ADAMTSL1: variants seen among roughly 807,000 people sequenced by gnomAD.
The protein encoded by ADAMTSL1 is ADAMTS like 1, also known as ADAMTS-like protein 1.
In ADAMTSL1, 126 loss-of-function variants were observed where a neutral mutation model predicts 201.8. The observed-to-expected ratio is 0.62, with a 90% CI of 0.54 to 0.72. The LOEUF is 0.72. Ranked by LOEUF, ADAMTSL1 falls within the 30% of genes least tolerant of loss-of-function variation. The pLI, the probability that ADAMTSL1 is intolerant of heterozygous loss-of-function variation, is 0.00. For missense variants in ADAMTSL1, 2,679 were observed against 2,277.8 expected (o/e 1.18, Z -3.59); for synonymous variants, 1,121 against 903.4 (o/e 1.24, Z -4.32).
At chr9:18,413,929 A>T (rs1006594270) in intron 2 of ADAMTSL1, among the ~76,000 whole-genome samples, 1 of 152,244 alleles carries the variant, frequency 6.6e-6, no homozygotes, top group Non-Finnish European at 1.5e-5. Flanking sequence ...AGAAGAAAAA[A>T]TGCACAATTC....
At chr9:18,701,852 G>A (rs921068993) in intron 13 of ADAMTSL1, among the ~76,000 whole-genome samples, 2 of 152,176 alleles carry the variant, frequency 1.3e-5, no homozygotes, top group African/African-American at 4.8e-5. Flanking sequence ...GAGAAAGGAA[G>A]AGAGAGGAAA....
At chr9:18,779,745 C>T (rs1038716140) in intron 19 of ADAMTSL1, among the ~76,000 whole-genome samples, 3 of 152,154 alleles carry the variant, frequency 2.0e-5, no homozygotes, top group Non-Finnish European at 2.9e-5. Flanking sequence ...AGTGGCAGCT[C>T]CAGTGTGTGG....
At chr9:18,543,803 G>C (rs567853979) in intron 3 of ADAMTSL1, among the ~76,000 whole-genome samples, 8 of 152,082 alleles carry the variant, frequency 5.3e-5, no homozygotes, top group Non-Finnish European at 1.2e-4. Flanking sequence ...AAGTTCACTG[G>C]GTGCCCCCCA....
At chr9:18,225,725 C>A (rs1254653636) in intron 2 of ADAMTSL1, among the ~76,000 whole-genome samples, 2 of 151,944 alleles carry the variant, frequency 1.3e-5, no homozygotes, top group Non-Finnish European at 2.9e-5. Flanking sequence ...GAGGATAATT[C>A]ATGCAGAGAA....
intron 2 of ADAMTSL1, among the ~76,000 whole-genome samples, chr9:18,340,285 T>G (rs1376601924): frequency 6.6e-6 from 1 of 152,206 alleles, no homozygotes; most frequent in Non-Finnish European, 1.5e-5. Context: ...TCTCACTGTA[T>G]AGTTTTTCTC....
intron 2 of ADAMTSL1, among the ~76,000 whole-genome samples, chr9:18,272,049 T>G (rs1294830044): frequency 6.6e-6 from 1 of 151,598 alleles, no homozygotes; most frequent in Non-Finnish European, 1.5e-5. Flanking sequence ...TAAATTTGTT[T>G]GAGTTCTTTG....
chr9:18,896,030 AAGAT>A (rs35369982), intron 26 of ADAMTSL1, among the ~76,000 whole-genome samples: 15,476 of 152,198 alleles, frequency 0.1, 856 homozygotes, highest in Middle Eastern at 0.21. Context: ...TTCAAACTTG[AAGAT>A]AGATAGGCCA....
chr9:18,806,166 T>C (rs147470736), intron 20 of ADAMTSL1, among the ~76,000 whole-genome samples: 6 of 152,358 alleles, frequency 3.9e-5, no homozygotes, highest in Non-Finnish European at 8.8e-5. Context: ...CTGGGTTAAA[T>C]GGCACTTACT....
chr9:18,384,531 A>C (rs2133196117), intron 2 of ADAMTSL1, among the ~76,000 whole-genome samples: 1 of 152,262 alleles, frequency 6.6e-6, no homozygotes, highest in South Asian at 2.1e-4. Context: ...CAGCTCCCTA[A>C]GAAGTCTTAT....
intron 1 of ADAMTSL1, among the ~76,000 whole-genome samples, chr9:18,118,352 C>G (rs1825348484): frequency 6.6e-6 from 1 of 152,186 alleles, no homozygotes. Flanking sequence ...ATTTAAGATG[C>G]TGAGCAATAA....
chr9:18,063,938 T>A (rs1298913592), intron 1 of ADAMTSL1, among the ~76,000 whole-genome samples: 1 of 152,156 alleles, frequency 6.6e-6, no homozygotes, highest in Non-Finnish European at 1.5e-5. Context: ...CGTGCCGGTT[T>A]AGAATCAACA....
intron 1 of ADAMTSL1, among the ~76,000 whole-genome samples, chr9:18,071,893 G>GT (rs748161295): frequency 1.1e-3 from 160 of 152,292 alleles, no homozygotes; most frequent in Admixed American, 3.5e-3. Flanking sequence ...CACTTCCTGT[G>GT]TGTCCCTTGC....
At chr9:18,768,877 C>A (rs1020902281) in intron 16 of ADAMTSL1, among the ~76,000 whole-genome samples, 2 of 152,158 alleles carry the variant, frequency 1.3e-5, no homozygotes, top group African/African-American at 4.8e-5. Flanking sequence ...GGTGAGAGAA[C>A]ATTCATTTGT....
At chr9:17,981,425 A>G (rs961691170) in intron 1 of ADAMTSL1, among the ~76,000 whole-genome samples, 2 of 152,176 alleles carry the variant, frequency 1.3e-5, no homozygotes, top group Non-Finnish European at 2.9e-5. Flanking sequence ...GGTCATTTAA[A>G]CATCTAAAGT....
At chr9:18,087,605 C>T (rs1208065985) in intron 1 of ADAMTSL1, among the ~76,000 whole-genome samples, 1 of 151,922 alleles carries the variant, frequency 6.6e-6, no homozygotes, top group Non-Finnish European at 1.5e-5. Flanking sequence ...TTAAAGTTTT[C>T]TATTAGTAGA....
chr9:18,233,124 G>T (rs1025080747), intron 2 of ADAMTSL1, among the ~76,000 whole-genome samples: 1 of 152,156 alleles, frequency 6.6e-6, no homozygotes, highest in African/African-American at 2.4e-5. Flanking sequence ...AACTATGTAT[G>T]TTGCAGTACA....
intron 1 of ADAMTSL1, among the ~76,000 whole-genome samples, chr9:17,999,440 T>C (rs1819521345): frequency 6.6e-6 from 1 of 152,032 alleles, no homozygotes. Context: ...TAGTTATCAG[T>C]AAGACTTTTG....
intron 22 of ADAMTSL1, among the ~76,000 whole-genome samples, chr9:18,828,755 A>C (rs116618579): frequency 0.011 from 1,604 of 145,118 alleles, 27 homozygotes; most frequent in African/African-American, 0.038. Context: ...TCTCTAGTTC[A>C]TCATTGTTTT....
At chr9:18,850,361 T>G (rs1826413572) in intron 23 of ADAMTSL1, among the ~76,000 whole-genome samples, 1 of 152,210 alleles carries the variant, frequency 6.6e-6, no homozygotes, top group Non-Finnish European at 1.5e-5. Flanking sequence ...TCCTCAGCCC[T>G]GAAACAGCCC....
Sources: gnomAD v4.1 joint callset for allele counts (sites outside exome capture counted in the v4.1 genomes callset) on GRCh38, gnomAD v4.1.1 for gene constraint, MANE v1.5 for transcripts, NCBI Gene and HGNC (gene_info 2026-07-23, HGNC 2026-07-21) for gene names.